Variants in COG2 observed in about 807,000 individuals in gnomAD.
The protein encoded by COG2 is component of oligomeric golgi complex 2, also known as conserved oligomeric Golgi complex subunit 2.
A neutral mutation model predicts 90.6 loss-of-function variants in COG2; 52 were observed. That is an observed-to-expected ratio of 0.57 (90% CI 0.46 to 0.72). The LOEUF is 0.72. Ranked by LOEUF, COG2 falls within the 30% of genes least tolerant of loss-of-function variation. The pLI is 0.00. For synonymous variants in COG2, 337 were observed against 320.4 expected (o/e 1.05, Z -0.55); for missense variants, 829 against 891.2 (o/e 0.93, Z 0.89).
chr1:230,692,228 G>A (rs888931245), intron 17 of COG2, among the ~76,000 whole-genome samples: 6 of 151,788 alleles, frequency 4.0e-5, no homozygotes, highest in Non-Finnish European at 8.8e-5. Context: ...CTGTTAAAGC[G>A]TCGCACATAG....
Position 230,643,428 on chromosome 1 carries a change from CA to C in COG2, c.72+756del, listed in dbSNP as rs377210306. Reference sequence around the variant, plus strand: ...CCTCTGGGTCTGCACTTAAGCCATTCAAAAAATGTTTCTATTTAATTTCCTG... The same window carrying C: ...CCTCTGGGTCTGCACTTAAGCCATTCAAAAATGTTTCTATTTAATTTCCTG... On this transcript the variant is annotated intron_variant, in intron 1 of 17. Coordinates refer to ENST00000366669, the MANE Select transcript of COG2 (RefSeq NM_007357.3). 3.3e-3 allele frequency among the ~76,000 whole-genome samples: 508 copies of C among 152,240 alleles called. 6 individuals carry two copies. The highest frequency in any genetic ancestry group is 0.012 in the African/African-American group (489 of 41,562).
intron 1 of COG2, among the ~76,000 whole-genome samples, chr1:230,656,785 G>C (rs757645690): frequency 1.1e-4 from 16 of 152,072 alleles, no homozygotes; most frequent in Non-Finnish European, 1.5e-5. Context: ...TATATATTTA[G>C]GATAATTAGC....
intron 8 of COG2, among the ~76,000 whole-genome samples, chr1:230,674,604 C>T (rs906356222): frequency 1.3e-5 from 2 of 152,268 alleles, no homozygotes; most frequent in Admixed American, 1.3e-4. Context: ...ACTTACAATG[C>T]TGTGTGGTTT....
chr1:230,671,430 A>C, intron 7 of COG2, 86 bp from the exon 8 acceptor site: 1 of 1,261,292 alleles, frequency 7.9e-7, no homozygotes, highest in Non-Finnish European at 1.1e-6. Context: ...CAGATTTGTA[A>C]AGTTTTCTTT....
rs574196227 is a variant in COG2, at chr1:230,642,503, C to G, written c.-104C>G. 2.7e-4 allele frequency: 307 copies of G among 1,132,452 alleles called. No individual in the cohort carries two copies. The highest frequency in any genetic ancestry group is 3.8e-4 in the Non-Finnish European group (297 of 778,350). 70.2% of individuals were successfully genotyped at this position (1,132,452 alleles called of 1,614,324 possible). The stretch of plus-strand genomic sequence containing the variant: ...GCCATGTTGGCGGAAGCGGACCCCC[C>G]TGTGCCGTGGAAACTGGCGGTGGCC... On this transcript the variant is annotated 5_prime_UTR_variant, in exon 1 of 18. Transcript: ENST00000366669.
Position 230,688,108 on chromosome 1 carries a change from A to AAATGAT in COG2, c.1617_1622dup (p.Met540_Ile541dup), listed in dbSNP as rs1340939555. The stretch of plus-strand genomic sequence containing the variant: ...TTGGAAATAATCAAGCCAAAACTTG[A>AAATGAT]AATGATTGGCTTTAAGAATTTTTCT... On this transcript the variant is annotated inframe_insertion, in exon 14 of 18. Transcript: ENST00000366669. 1 of 1,602,106 alleles carries AAATGAT rather than the reference A, an allele frequency of 6.2e-7. No individual in the cohort carries two copies. The highest frequency in any genetic ancestry group is 1.7e-5 in the Admixed American group (1 of 57,358).
At chr1:230,643,995 C>T (rs1661692990) in intron 1 of COG2, among the ~76,000 whole-genome samples, 1 of 152,140 alleles carries the variant, frequency 6.6e-6, no homozygotes, top group South Asian at 2.1e-4. Flanking sequence ...TCTCAGAGTA[C>T]AGAATAATCT....
Position 230,663,175 on chromosome 1 carries a change from C to T in COG2, c.335C>T (p.Ala112Val). The change falls in exon 4 of 18, where the codon GCA becomes GTA. Residue 112 changes from alanine to valine, a missense_variant. By Grantham distance (64) the Ala-to-Val change is moderately conservative. Transcript: ENST00000366669. ...TCGTCTGTCAGTGAAGGAATTCGGG[C>T]AGTTGATGAACGAATGTCTAAACAA... ...LRSSVSEGIR[A>V]VDERMSKQED... The T allele has an allele frequency of 6.2e-7, 1 of 1,608,172 alleles. No individual in the cohort carries two copies. Among genetic ancestry groups the T allele is most frequent in the Non-Finnish European group, 8.5e-7 (1 of 1,177,358 alleles).
At chr1:230,658,625 G>A (rs747717356) in intron 1 of COG2, among the ~76,000 whole-genome samples, 4 of 152,278 alleles carry the variant, frequency 2.6e-5, no homozygotes, top group South Asian at 2.1e-4. Flanking sequence ...AAGCAGTGAC[G>A]TTTAAGTCTG....
chr1:230,692,041 C>T (rs548623371), intron 17 of COG2, among the ~76,000 whole-genome samples: 2 of 151,946 alleles, frequency 1.3e-5, no homozygotes, highest in South Asian at 4.2e-4. Flanking sequence ...AATCATGGCA[C>T]GTAGTTGAAT....
chr1:230,682,433 C>A (rs977581529), intron 10 of COG2: 3 of 152,246 alleles, frequency 2.0e-5, no homozygotes, highest in Non-Finnish European at 4.4e-5. Flanking sequence ...TCCTTCTGTA[C>A]CTCTCAACTG....
intron 1 of COG2, among the ~76,000 whole-genome samples, chr1:230,648,930 C>T (rs1481189719): frequency 6.6e-6 from 1 of 152,056 alleles, no homozygotes; most frequent in African/African-American, 2.4e-5. Flanking sequence ...CATAGATTGT[C>T]ATTAGTGTTA....
At position 230,667,548 on chromosome 1, in the gene COG2, A is replaced by G. The variant is rs545763615; in HGVS notation, c.486-1128A>G. On this transcript the variant is annotated intron_variant, in intron 5 of 17. Coordinates refer to ENST00000366669, the MANE Select transcript of COG2 (RefSeq NM_007357.3). ...GTAGTGAAGGTAAAACCAGGGCAAT[A>G]TTACTGAATAGTAGATATACCATGC... 8.6e-4 allele frequency among the ~76,000 whole-genome samples: 131 copies of G among 152,322 alleles called. 2 individuals carry two copies. The highest frequency in any genetic ancestry group is 3.0e-3 in the African/African-American group (125 of 41,570).
chr1:230,669,906 A>G (rs562800756), intron 7 of COG2: 35 of 186,244 alleles, frequency 1.9e-4, no homozygotes, highest in Admixed American at 1.4e-3. Context: ...AAGCAGTGAC[A>G]ACACTGCAGT....
chr1:230,693,361 G>C lies in COG2; in HGVS notation c.2185G>C (p.Ala729Pro). Residue 729 changes from alanine to proline, a missense_variant, in exon 18 of 18, where the codon GCC becomes CCC. Transcript: ENST00000366669. ...AGCTCTCGCAGAGCTTGTTGCTGCTGCCAAGGACCAGGCAACAGCAGAGCA... is the reference window on the plus strand; with the variant it reads ...AGCTCTCGCAGAGCTTGTTGCTGCTCCCAAGGACCAGGCAACAGCAGAGCA... ...FSALAELVAA[A>P]KDQATAEQP 1 of 1,613,410 alleles carries C rather than the reference G, an allele frequency of 6.2e-7. No individual in the cohort carries two copies. Among genetic ancestry groups the C allele is most frequent in the Non-Finnish European group, 8.5e-7 (1 of 1,179,600 alleles).
At chr1:230,675,215 G>T in intron 9 of COG2, 91 bp downstream of exon 9, 1 of 1,401,548 alleles carries the variant, frequency 7.1e-7, no homozygotes, top group Non-Finnish European at 9.4e-7. Context: ...TTGGTTCTGT[G>T]GTTTATTAAA....
chr1:230,665,475 G>A (rs113728894), intron 5 of COG2, among the ~76,000 whole-genome samples: 2,216 of 152,248 alleles, frequency 0.015, 46 homozygotes, highest in African/African-American at 0.051. Context: ...GCAGTTCAAA[G>A]TCCTGATCGT....
At position 230,679,051 on chromosome 1, in the gene COG2, AG is replaced by A. The variant is rs1473299016; in HGVS notation, c.1166+1del. The A allele has an allele frequency of 6.2e-7, 1 of 1,611,518 alleles. No individual in the cohort carries two copies. Among genetic ancestry groups the A allele is most frequent in the Non-Finnish European group, 8.5e-7 (1 of 1,177,896 alleles). On this transcript the variant is annotated frameshift_variant and splice_region_variant, in exon 10 of 18. Coordinates refer to ENST00000366669, the MANE Select transcript of COG2 (RefSeq NM_007357.3). LOFTEE classifies it high-confidence loss of function. ...GAACTTGCCTGTTTATTTTCAAATA[AG>A]GTTGGTCATCTATTCACCGCCCCCG... is the stretch of plus-strand genomic sequence containing the variant. ...KWNLPVYFQI[R>X]FREIAGSLEA...
At chr1:230,660,163 G>T (rs1662149673) in intron 2 of COG2, among the ~76,000 whole-genome samples, 1 of 152,084 alleles carries the variant, frequency 6.6e-6, no homozygotes, top group Non-Finnish European at 1.5e-5. Context: ...TGGTCATCCT[G>T]TTCCTATTTT....
Sources: allele counts gnomAD v4.1 joint callset (sites outside exome capture counted in the v4.1 genomes callset), GRCh38; gene constraint gnomAD v4.1.1; transcripts MANE v1.5; gene names NCBI Gene and HGNC (gene_info 2026-07-23, HGNC 2026-07-21).